Variants in AGBL4 observed in about 807,000 individuals in gnomAD.
AGBL4 encodes the protein AGBL carboxypeptidase 4.
AGBL4 carries 58 observed loss-of-function variants against 66.4 expected under a neutral mutation model. That is an observed-to-expected ratio of 0.87 (90% CI 0.71 to 1.09). The LOEUF is 1.09. Among genes scored for constraint, AGBL4 ranks in the 50% least tolerant of loss-of-function variants. AGBL4 has a pLI of 0.00. For synonymous variants in AGBL4, 234 were observed against 222.9 expected (o/e 1.05, Z -0.44); for missense variants, 579 against 631.0 (o/e 0.92, Z 0.88).
intron 6 of AGBL4, among the ~76,000 whole-genome samples, chr1:48,687,482 T>C (rs1266846424): frequency 6.6e-6 from 1 of 152,156 alleles, no homozygotes; most frequent in African/African-American, 2.4e-5. Flanking sequence ...GCTCACACTT[T>C]CCTTCACCTC....
chr1:49,259,179 C>T (rs1355343187), intron 3 of AGBL4, among the ~76,000 whole-genome samples: 1 of 152,148 alleles, frequency 6.6e-6, no homozygotes. Flanking sequence ...AAAGGAGCAA[C>T]CAGTACCAGC....
chr1:49,250,645 T>C (rs578074986), intron 3 of AGBL4, among the ~76,000 whole-genome samples: 2 of 152,014 alleles, frequency 1.3e-5, no homozygotes, highest in Admixed American at 6.6e-5. Context: ...GGTTTCACCA[T>C]GTTGGCCAGG....
chr1:49,911,545 G>A (rs866170682), intron 1 of AGBL4, among the ~76,000 whole-genome samples: 8 of 152,110 alleles, frequency 5.3e-5, no homozygotes, highest in Non-Finnish European at 1.5e-5. Context: ...CAAAATAGAA[G>A]GTAACCCCAC....
intron 8 of AGBL4, among the ~76,000 whole-genome samples, chr1:48,646,687 A>T (rs1645842154): frequency 6.6e-6 from 1 of 152,008 alleles, no homozygotes; most frequent in Admixed American, 6.6e-5. Flanking sequence ...ACCCTCCTTC[A>T]TCACTATGAG....
chr1:48,933,912 G>A (rs1297542794), intron 5 of AGBL4, among the ~76,000 whole-genome samples: 2 of 152,182 alleles, frequency 1.3e-5, no homozygotes, highest in African/African-American at 4.8e-5. Context: ...CCCAAGGCCT[G>A]AAAACTGATT....
intron 5 of AGBL4, among the ~76,000 whole-genome samples, chr1:49,001,948 G>C (rs1008496124): frequency 1.3e-5 from 2 of 152,168 alleles, no homozygotes; most frequent in Admixed American, 1.3e-4. Context: ...TTCTTCATCT[G>C]TAAAGTAAGA....
intron 6 of AGBL4, chr1:48,761,296 A>T: frequency 6.6e-7 from 1 of 1,519,212 alleles, no homozygotes; most frequent in Non-Finnish European, 8.8e-7. Context: ...ATATCTGAAA[A>T]TGCTCCAGCA....
At chr1:49,016,319 C>A (rs912256764) in intron 5 of AGBL4, among the ~76,000 whole-genome samples, 1 of 152,154 alleles carries the variant, frequency 6.6e-6, no homozygotes, top group Non-Finnish European at 1.5e-5. Context: ...TTACTCATCC[C>A]AGCTTCAGGG....
At chr1:48,938,536 A>G (rs577185242) in intron 5 of AGBL4, among the ~76,000 whole-genome samples, 1 of 152,322 alleles carries the variant, frequency 6.6e-6, no homozygotes, top group South Asian at 2.1e-4. Flanking sequence ...AGAAGTCAGC[A>G]AAGAGAAGAG....
intron 3 of AGBL4, among the ~76,000 whole-genome samples, chr1:49,604,674 T>C (rs747887376): frequency 1.2e-4 from 19 of 152,294 alleles, no homozygotes; most frequent in Admixed American, 2.6e-4. Context: ...ACAAAATATA[T>C]GTAAGAGTTG....
intron 5 of AGBL4, among the ~76,000 whole-genome samples, chr1:49,029,391 G>A (rs1479191339): frequency 6.6e-6 from 1 of 152,128 alleles, no homozygotes; most frequent in East Asian, 1.9e-4. Context: ...AGCTAAATTT[G>A]TATTTAAGTC....
intron 3 of AGBL4, among the ~76,000 whole-genome samples, chr1:49,472,891 C>T (rs934838253): frequency 5.3e-5 from 8 of 151,978 alleles, no homozygotes; most frequent in African/African-American, 1.9e-4. Flanking sequence ...GTATGTTTTA[C>T]TCCCATTTAT....
chr1:48,935,689 G>A (rs1655389006), intron 5 of AGBL4, among the ~76,000 whole-genome samples: 1 of 151,790 alleles, frequency 6.6e-6, no homozygotes, highest in Admixed American at 6.6e-5. Flanking sequence ...TGGGTGTGGT[G>A]GCTCACACCT....
Position 49,845,317 on chromosome 1 carries a change from G to A in AGBL4, c.157+6079C>T, listed in dbSNP as rs544999756. 141 of 1,531,794 alleles carry A rather than the reference G, an allele frequency of 9.2e-5. No individual in the cohort carries two copies. The Admixed American group carries it at 1.3e-3, about 14-fold the overall frequency. The allele number at this position is 1,531,794 out of a possible 1,614,324, so 94.9% of individuals were successfully genotyped here. On this transcript the variant is annotated intron_variant, in intron 2 of 13. Coordinates refer to ENST00000371839, the MANE Select transcript of AGBL4 (RefSeq NM_032785.4). ...CCAGCACCAGAGAACTCACACAGGC[G>A]AGAAACCCTATGAGTGCAGTGTATG...
At chr1:48,699,787 C>T (rs138758325) in intron 6 of AGBL4, among the ~76,000 whole-genome samples, 548 of 152,228 alleles carry the variant, frequency 3.6e-3, no homozygotes, top group South Asian at 7.5e-3. Flanking sequence ...TATCTTATTT[C>T]CCATTTCCTC....
chr1:49,331,185 C>T (rs1469622505), intron 3 of AGBL4, among the ~76,000 whole-genome samples: 1 of 152,112 alleles, frequency 6.6e-6, no homozygotes, highest in African/African-American at 2.4e-5. Flanking sequence ...CTTACTCCTA[C>T]CCCAGGACCC....
intron 2 of AGBL4, among the ~76,000 whole-genome samples, chr1:49,837,672 C>A (rs1260335383): frequency 6.6e-6 from 1 of 152,014 alleles, no homozygotes; most frequent in Non-Finnish European, 1.5e-5. Context: ...AGTGAAACCC[C>A]GTCTCTACTA....
intron 1 of AGBL4, among the ~76,000 whole-genome samples, chr1:49,973,427 C>T (rs1055468613): frequency 1.3e-5 from 2 of 151,976 alleles, no homozygotes; most frequent in Non-Finnish European, 2.9e-5. Context: ...CTAGCAGCTA[C>T]TATGTTAAAT....
At chr1:49,578,563 T>C (rs1644481043) in intron 3 of AGBL4, among the ~76,000 whole-genome samples, 1 of 152,234 alleles carries the variant, frequency 6.6e-6, no homozygotes, top group South Asian at 2.1e-4. Context: ...AACATGTTTG[T>C]GCACGTATGC....
Sources: allele counts gnomAD v4.1 joint callset (sites outside exome capture counted in the v4.1 genomes callset), GRCh38; gene constraint gnomAD v4.1.1; transcripts MANE v1.5; gene names NCBI Gene and HGNC (gene_info 2026-07-23, HGNC 2026-07-21).